Variants in GXYLT1 observed in about 807,000 individuals in gnomAD.
The protein encoded by GXYLT1 is glucoside xylosyltransferase 1, also known as glycosyltransferase 8 domain containing 3.
A neutral mutation model predicts 54.0 loss-of-function variants in GXYLT1; 29 were observed. The observed-to-expected ratio is 0.54, with a 90% confidence interval of 0.40 to 0.73. The LOEUF (loss-of-function observed/expected upper bound fraction) is 0.73. Among genes scored for constraint, GXYLT1 ranks in the 30% least tolerant of loss-of-function variants. The probability of loss-of-function intolerance (pLI) is 0.00; values close to 1 mark genes in which losing one functional copy is unlikely to be tolerated. For synonymous variants in GXYLT1, 176 were observed against 204.1 expected, an observed-to-expected ratio of 0.86 and a Z score of 1.17; for missense variants, 490 against 553.4, an observed-to-expected ratio of 0.89 and a Z score of 1.15.
chr12:42,110,825 T>A (rs2065449037), intron 3 of GXYLT1, among the ~76,000 whole-genome samples: 1 of 152,254 alleles, frequency 6.6e-6, no homozygotes, highest in Non-Finnish European at 1.5e-5. Flanking sequence ...GTCACTTTCA[T>A]TTAACATATA....
chr12:42,142,474 T>C (rs2065657246), intron 1 of GXYLT1, among the ~76,000 whole-genome samples: 1 of 152,016 alleles, frequency 6.6e-6, no homozygotes, highest in South Asian at 2.1e-4. Flanking sequence ...AGTGCTGGGA[T>C]TACAGGTGTG....
In GXYLT1 at chr12:42,119,115, C is replaced by G. The variant is rs532906754; in HGVS notation, c.371G>C (p.Gly124Ala). The G allele has an allele frequency of 6.2e-7, 1 of 1,613,942 alleles. No individual in the cohort carries two copies. The highest frequency in any genetic ancestry group is 8.5e-7 in the Non-Finnish European group (1 of 1,179,778). The change falls in exon 3 of 8, where the codon GGT becomes GCT. Residue 124 changes from glycine to alanine, a missense_variant. Physicochemically the swap from Gly to Ala is moderately conservative, Grantham distance 60 (BLOSUM62 0). Coordinates refer to ENST00000398675, the MANE Select transcript of GXYLT1 (RefSeq NM_173601.2). ...GGTCATAGTTTCTTCCAGTCTTTCA[C>G]CACAGGCAACTACAGCTAGATGCAT... Reference protein sequence around the residue: ...EKMHLAVVACGERLEETMTML... With the variant: ...EKMHLAVVACAERLEETMTML...
intron 2 of GXYLT1, among the ~76,000 whole-genome samples, chr12:42,120,954 G>C (rs898050849): frequency 2.6e-5 from 4 of 152,154 alleles, no homozygotes; most frequent in East Asian, 1.9e-4. Flanking sequence ...GAGCCCATCA[G>C]TTCATAACAC....
At chr12:42,115,111 G>T (rs2065485331) in intron 3 of GXYLT1, among the ~76,000 whole-genome samples, 1 of 152,112 alleles carries the variant, frequency 6.6e-6, no homozygotes, top group African/African-American at 2.4e-5. Flanking sequence ...CAATAAATTA[G>T]GTATTGATGG....
chr12:42,090,507 C>T (rs999807976), intron 7 of GXYLT1, among the ~76,000 whole-genome samples: 5 of 152,198 alleles, frequency 3.3e-5, no homozygotes, highest in African/African-American at 7.2e-5. Context: ...TACAGTTAAT[C>T]GTTCCCTCTT....
chr12:42,100,476 A>T (rs1281115829), intron 5 of GXYLT1, among the ~76,000 whole-genome samples: 1 of 152,046 alleles, frequency 6.6e-6, no homozygotes, highest in Non-Finnish European at 1.5e-5. Context: ...CATTGTTATA[A>T]GTCATTTTAT....
At chr12:42,131,395 A>G (rs2136916657) in intron 1 of GXYLT1, among the ~76,000 whole-genome samples, 1 of 152,316 alleles carries the variant, frequency 6.6e-6, no homozygotes. Context: ...GCAACAGTCT[A>G]AGGCAGGGGT....
chr12:42,116,340 G>A (rs150638610), intron 3 of GXYLT1, among the ~76,000 whole-genome samples: 1,692 of 152,196 alleles, frequency 0.011, 29 homozygotes, highest in African/African-American at 0.038. Flanking sequence ...AGAGTGAACC[G>A]GCAACCTACA....
chr12:42,117,651 G>T (rs2065504921), intron 3 of GXYLT1, among the ~76,000 whole-genome samples: 1 of 152,158 alleles, frequency 6.6e-6, no homozygotes, highest in East Asian at 1.9e-4. Context: ...GAGAAAATAT[G>T]AATGATCATT....
In GXYLT1 at chr12:42,082,376, G is replaced by C. The variant is rs1386812631; in HGVS notation, c.*5410C>G. On this transcript the variant is annotated 3_prime_UTR_variant, in exon 8 of 8. Transcript: ENST00000398675. ...AACAGATAACATATTCTACAGCAAT[G>C]CTCAAGCCCTGGATTATTTTTGCCT... 2.6e-5 allele frequency: 4 copies of C among 152,250 alleles called. 1 individual carries two copies. Among genetic ancestry groups the C allele is most frequent in the Admixed American group, 2.6e-4 (4 of 15,296 alleles). 9.4% of individuals were successfully genotyped at this position (152,250 alleles called of 1,614,324 possible).
chr12:42,129,916 TTAC>T (rs542423961), intron 1 of GXYLT1, 65 bp from the exon 2 acceptor site: 1 of 954,036 alleles, frequency 1.0e-6, no homozygotes, highest in Non-Finnish European at 1.7e-6. Context: ...AACAAGGAAT[TTAC>T]TCAGTAACAC....
chr12:42,098,499 C>G (rs568854622), intron 5 of GXYLT1, among the ~76,000 whole-genome samples: 1 of 151,808 alleles, frequency 6.6e-6, no homozygotes, highest in South Asian at 2.1e-4. Flanking sequence ...TCAAATAGAT[C>G]ATTTTGAAAT....
intron 1 of GXYLT1, among the ~76,000 whole-genome samples, chr12:42,141,073 C>A (rs572149379): frequency 6.6e-6 from 1 of 152,184 alleles, no homozygotes; most frequent in Non-Finnish European, 1.5e-5. Context: ...CCGCTCCTCT[C>A]CAACACCAAT....
At position 42,094,067 on chromosome 12, in the gene GXYLT1, A is replaced by AAGG. The variant is rs963958329; in HGVS notation, c.1161+3374_1161+3375insCCT. On this transcript the variant is annotated intron_variant, in intron 7 of 7. Transcript: ENST00000398675. Reference sequence around the variant, plus strand: ...CTGATTACAACTTTAAAAAAAAAAAAGGGGGGTGTTAGGCTAGGTGTGGTG... The same window carrying AAGG: ...CTGATTACAACTTTAAAAAAAAAAAAAGGGGGGGGTGTTAGGCTAGGTGTGGTG... Among the ~76,000 whole-genome samples the AAGG allele has an allele frequency of 4.5e-3, 684 of 150,782 alleles. 6 individuals carry two copies. The highest frequency in any genetic ancestry group is 0.015 in the African/African-American group (627 of 41,176).
At chr12:42,108,144 C>A (rs1565570843) in intron 4 of GXYLT1, among the ~76,000 whole-genome samples, 1 of 152,230 alleles carries the variant, frequency 6.6e-6, no homozygotes, top group East Asian at 1.9e-4. Flanking sequence ...ACTTAAAATT[C>A]CATTTAGGGA....
intron 5 of GXYLT1, among the ~76,000 whole-genome samples, chr12:42,102,817 C>T (rs1285385991): frequency 6.6e-6 from 1 of 151,794 alleles, no homozygotes; most frequent in African/African-American, 2.4e-5. Context: ...AATCATTTAA[C>T]CAATGTTATT....
At chr12:42,143,283 C>T (rs2065661934) in intron 1 of GXYLT1, among the ~76,000 whole-genome samples, 1 of 152,186 alleles carries the variant, frequency 6.6e-6, no homozygotes, top group South Asian at 2.1e-4. Context: ...TTCAACCTGT[C>T]ATTTTTCACG....
In GXYLT1 at chr12:42,082,126, T is replaced by TC. The variant is rs1426503879; in HGVS notation, c.*5659dup. The stretch of plus-strand genomic sequence containing the variant: ...CATACCACAGTATACAATGATGCCT[T>TC]CCTGCAGGTTTAGAACTATTACTAC... On this transcript the variant is annotated 3_prime_UTR_variant, in exon 8 of 8. Transcript: ENST00000398675. The TC allele has an allele frequency of 6.6e-6, 1 of 152,246 alleles. No individual in the cohort carries two copies. Among genetic ancestry groups the TC allele is most frequent in the Non-Finnish European group, 1.5e-5 (1 of 68,046 alleles). 9.4% of individuals were successfully genotyped at this position (152,246 alleles called of 1,614,324 possible).
intron 3 of GXYLT1, among the ~76,000 whole-genome samples, chr12:42,117,694 G>C (rs1393925975): frequency 6.6e-6 from 1 of 152,110 alleles, no homozygotes; most frequent in Non-Finnish European, 1.5e-5. Context: ...CAGAACAAAA[G>C]GTAGTGAGAT....
Sources: allele counts gnomAD v4.1 joint callset (sites outside exome capture counted in the v4.1 genomes callset), GRCh38; gene constraint gnomAD v4.1.1; transcripts MANE v1.5; gene names NCBI Gene and HGNC (gene_info 2026-07-23, HGNC 2026-07-21).